Variants in AR observed in about 807,000 individuals in gnomAD.
AR encodes the protein dihydrotestosterone receptor.
Under a neutral mutation model 53.9 loss-of-function variants are expected in AR, and 8 were observed. The ratio of observed to expected loss-of-function variants is 0.15; its 90% CI spans 0.09 to 0.27. The LOEUF is 0.27. Among genes scored for constraint, AR ranks in the 10% least tolerant of loss-of-function variants. The pLI is 1.00. For synonymous variants in AR, 359 were observed against 316.4 expected, an observed-to-expected ratio of 1.13 and a Z score of -1.43; for missense variants, 639 against 742.5, an observed-to-expected ratio of 0.86 and a Z score of 1.62.
At chrX:67,670,535 A>G (rs1471245689) in intron 2 of AR, among the ~76,000 whole-genome samples, 1 of 107,097 alleles carries the variant, frequency 9.3e-6, no homozygotes, top group African/African-American at 3.4e-5. Context: ...TATATACTAC[A>G]TAAAGCATAT....
chrX:67,627,874 C>T, intron 1 of AR, among the ~76,000 whole-genome samples: 1 of 111,863 alleles, frequency 8.9e-6, no homozygotes, highest in Non-Finnish European at 1.9e-5. Flanking sequence ...GTTTTTCCAG[C>T]ACCATTTATT....
intron 1 of AR, among the ~76,000 whole-genome samples, chrX:67,563,739 G>A (rs1921437776): frequency 8.9e-6 from 1 of 112,188 alleles, no homozygotes; most frequent in Non-Finnish European, 1.9e-5. Context: ...TCTCTTATTG[G>A]TTGATGTGTG....
intron 1 of AR, among the ~76,000 whole-genome samples, chrX:67,567,831 G>T (rs770435144): frequency 5.4e-5 from 6 of 111,925 alleles, no homozygotes; most frequent in Non-Finnish European, 1.1e-4. Context: ...TAGATTTAAA[G>T]TGTAGCCGTT....
intron 3 of AR, among the ~76,000 whole-genome samples, chrX:67,710,316 A>G (rs2076088735): frequency 1.8e-5 from 2 of 111,057 alleles, no homozygotes; most frequent in Non-Finnish European, 3.8e-5. Context: ...ATACAAACTT[A>G]GCTTTTATTT....
At chrX:67,716,416 G>A (rs1439455554) in intron 4 of AR, among the ~76,000 whole-genome samples, 1 of 112,121 alleles carries the variant, frequency 8.9e-6, no homozygotes, top group Non-Finnish European at 1.9e-5. Flanking sequence ...GTGTTTACCG[G>A]ATGAAAGGCC....
intron 2 of AR, among the ~76,000 whole-genome samples, chrX:67,652,610 A>T (rs1926397640): frequency 8.9e-6 from 1 of 111,765 alleles, no homozygotes; most frequent in Non-Finnish European, 1.9e-5. Flanking sequence ...TCTGTCTGAG[A>T]GACTCTCCTG....
chrX:67,695,877 T>A (rs1289359306), intron 3 of AR: 1 of 750,045 alleles, frequency 1.3e-6, no homozygotes, highest in Non-Finnish European at 1.6e-6. Flanking sequence ...TCAGCAACAT[T>A]CTGGAGAAAA....
chrX:67,695,175 A>C, intron 3 of AR: 1 of 756,779 alleles, frequency 1.3e-6, no homozygotes, highest in African/African-American at 2.3e-5. Flanking sequence ...ACAAGAAGCA[A>C]CTGTGTCTGT....
rs200067740 is a variant in AR at position 67,546,299 on chromosome X, G to T, written c.1153G>T (p.Ala385Ser). The change falls in exon 1 of 8, where the codon GCT becomes TCT. Residue 385 changes from alanine to serine, a missense_variant. Physicochemically the swap from Ala to Ser is moderately conservative, Grantham distance 99. Coordinates refer to ENST00000374690, the MANE Select transcript of AR (RefSeq NM_000044.6). Reference sequence around the variant, plus strand: ...CCCTCCGCCGCCTCCCCATCCCCACGCTCGCATCAAGCTGGAGAACCCGCT... The same window carrying T: ...CCCTCCGCCGCCTCCCCATCCCCACTCTCGCATCAAGCTGGAGAACCCGCT... ...PPPPPPPHPH[A>S]RIKLENPLDY... 3.0e-5 allele frequency: 36 copies of T among 1,193,954 alleles called. No individual in the cohort carries two copies. In the Admixed American group the frequency reaches 6.5e-4, roughly 22 times the overall value.
chrX:67,691,827 C>T (rs1418003201), intron 3 of AR, among the ~76,000 whole-genome samples: 2 of 111,643 alleles, frequency 1.8e-5, no homozygotes, highest in South Asian at 7.5e-4. Context: ...GGGTCTGCAA[C>T]GTTGTCATAC....
At chrX:67,667,354 T>C (rs943661515) in intron 2 of AR, among the ~76,000 whole-genome samples, 5 of 111,691 alleles carry the variant, frequency 4.5e-5, no homozygotes, top group Non-Finnish European at 9.4e-5. Flanking sequence ...TTGTTGAAAA[T>C]AAGTTCACTG....
chrX:67,723,350 GTGTC>G (rs1422593159), intron 7 of AR, among the ~76,000 whole-genome samples: 30 of 101,652 alleles, frequency 3.0e-4, no homozygotes, highest in African/African-American at 1.0e-3. Context: ...GTGTGTGTGT[GTGTC>G]AGAGAGAGAG....
intron 3 of AR, chrX:67,694,524 C>T (rs1354059294): frequency 1.3e-5 from 12 of 934,181 alleles, no homozygotes; most frequent in Non-Finnish European, 1.7e-5. Flanking sequence ...GAAAAACCCC[C>T]AGTAAAAAAT....
chrX:67,626,935 C>T (rs1372826898), intron 1 of AR, among the ~76,000 whole-genome samples: 1 of 104,174 alleles, frequency 9.6e-6, no homozygotes, highest in Non-Finnish European at 2.0e-5. Context: ...CCAATTTCAT[C>T]CATGTCCCTA....
intron 2 of AR, among the ~76,000 whole-genome samples, chrX:67,666,081 C>A (rs1002118959): frequency 2.2e-4 from 24 of 111,170 alleles, no homozygotes; most frequent in East Asian, 5.7e-4. Context: ...CAATTATATT[C>A]TTTTAGTTAT....
At chrX:67,708,930 T>A (rs990927521) in intron 3 of AR, among the ~76,000 whole-genome samples, 13 of 112,122 alleles carry the variant, frequency 1.2e-4, no homozygotes, top group African/African-American at 3.9e-4. Flanking sequence ...TGCCTGGGTG[T>A]CGGCAGCAGA....
intron 3 of AR, chrX:67,689,533 C>G: frequency 1.0e-6 from 1 of 953,534 alleles, no homozygotes; most frequent in Non-Finnish European, 1.3e-6. Context: ...GCCTACCTAC[C>G]TGTTTCTTGC....
intron 2 of AR, among the ~76,000 whole-genome samples, chrX:67,684,193 G>T (rs1180946400): frequency 8.9e-6 from 1 of 111,856 alleles, no homozygotes; most frequent in Non-Finnish European, 1.9e-5. Context: ...ACTAGAATTG[G>T]ATACAGGACC....
At chrX:67,603,188 C>T (rs752991870) in intron 1 of AR, among the ~76,000 whole-genome samples, 50 of 111,460 alleles carry the variant, frequency 4.5e-4, no homozygotes, top group Non-Finnish European at 7.3e-4. Flanking sequence ...TCTACTGTGG[C>T]AGAGAAAATA....
Sources: allele counts gnomAD v4.1 joint callset (sites outside exome capture counted in the v4.1 genomes callset), GRCh38; gene constraint gnomAD v4.1.1; transcripts MANE v1.5; gene names NCBI Gene and HGNC (gene_info 2026-07-23, HGNC 2026-07-21).